The following NEBL variants were observed in gnomAD, a reference collection of about 807,000 sequenced individuals.
NEBL encodes nebulette.
Under a neutral mutation model 140.2 loss-of-function variants are expected in NEBL, and 122 were observed. The ratio of observed to expected loss-of-function variants is 0.87; its 90% CI spans 0.75 to 1.01. The LOEUF (loss-of-function observed/expected upper bound fraction) is 1.01. Ranked by LOEUF, NEBL falls within the 50% of genes least tolerant of loss-of-function variation. The pLI, the probability that NEBL is intolerant of heterozygous loss-of-function variation, is 0.00. For missense variants in NEBL, 1,365 were observed against 1,231.3 expected (o/e 1.11, Z -1.62); for synonymous variants, 436 against 398.9 (o/e 1.09, Z -1.11).
At chr10:20,987,652 A>T (rs913059958) in intron 3 of NEBL, among the ~76,000 whole-genome samples, 4 of 152,176 alleles carry the variant, frequency 2.6e-5, no homozygotes, top group African/African-American at 9.6e-5. Context: ...ACTAGGATCC[A>T]TCTGAGACTG....
At chr10:20,961,611 C>G in intron 4 of NEBL, 1 of 1,233,894 alleles carries the variant, frequency 8.1e-7, no homozygotes, top group South Asian at 1.2e-5. Context: ...CATCCAGCCT[C>G]CCTTTCTCAT....
chr10:20,964,961 C>T (rs558390364), intron 3 of NEBL, among the ~76,000 whole-genome samples: 2 of 152,332 alleles, frequency 1.3e-5, no homozygotes, highest in South Asian at 4.1e-4. Context: ...GTGTTGTACA[C>T]ACGTATGACA....
At chr10:21,087,006 C>T (rs1401178586) in intron 2 of NEBL, among the ~76,000 whole-genome samples, 3 of 152,284 alleles carry the variant, frequency 2.0e-5, no homozygotes, top group Admixed American at 1.3e-4. Context: ...ATTAGTTTTC[C>T]AAGGGATGTC....
At chr10:20,976,999 C>T (rs913624366) in intron 3 of NEBL, among the ~76,000 whole-genome samples, 4 of 151,556 alleles carry the variant, frequency 2.6e-5, no homozygotes, top group Non-Finnish European at 2.9e-5. Flanking sequence ...AAACACTAGG[C>T]TTTCTGTAAT....
intron 3 of NEBL, among the ~76,000 whole-genome samples, chr10:20,968,708 T>C (rs1268618280): frequency 6.6e-6 from 1 of 152,212 alleles, no homozygotes; most frequent in Non-Finnish European, 1.5e-5. Context: ...CTCAGGCACA[T>C]GTATTACTGA....
intron 1 of NEBL, among the ~76,000 whole-genome samples, chr10:21,273,471 A>G (rs1266791479): frequency 2.0e-5 from 3 of 152,198 alleles, no homozygotes; most frequent in Non-Finnish European, 2.9e-5. Flanking sequence ...GGGGCTAAGC[A>G]TCACAGGGCT....
At chr10:20,906,575 T>C (rs1295061800) in intron 4 of NEBL, among the ~76,000 whole-genome samples, 1 of 152,148 alleles carries the variant, frequency 6.6e-6, no homozygotes, top group African/African-American at 2.4e-5. Context: ...GAGTGAGAAC[T>C]AGTTTAACGT....
intron 2 of NEBL, among the ~76,000 whole-genome samples, chr10:21,110,303 A>G (rs1435725248): frequency 1.3e-5 from 2 of 152,100 alleles, no homozygotes; most frequent in Non-Finnish European, 2.9e-5. Flanking sequence ...GTTTGTTTTT[A>G]TAACGGTAAT....
chr10:21,288,820 G>GTGTGTGTA (rs1477748950), intron 1 of NEBL, among the ~76,000 whole-genome samples: 4 of 35,024 alleles, frequency 1.1e-4, no homozygotes, highest in African/African-American at 3.9e-4. Flanking sequence ...GTGTGTGTGT[G>GTGTGTGTA]TATATATATA....
At chr10:20,799,314 C>T (rs1485915380) in intron 26 of NEBL, among the ~76,000 whole-genome samples, 5 of 152,112 alleles carry the variant, frequency 3.3e-5, no homozygotes, top group Admixed American at 2.6e-4. Context: ...TGCCACCACA[C>T]TCAGCTCATT....
chr10:20,835,663 G>A (rs1263871518), intron 13 of NEBL, 40 bp from the exon 14 acceptor site: 2 of 1,350,076 alleles, frequency 1.5e-6, no homozygotes, highest in Non-Finnish European at 2.1e-6. Context: ...AACACTCAGT[G>A]GGCAAACATG....
At chr10:21,179,074 T>C (rs1841346417), upstream of NEBL, among the ~76,000 whole-genome samples, 1 of 152,196 alleles carries the variant, frequency 6.6e-6, no homozygotes, top group South Asian at 2.1e-4. Flanking sequence ...GAGGATCCAG[T>C]GTAATCACAA....
chr10:21,231,729 G>A (rs1283605354), intron 3 of NEBL, among the ~76,000 whole-genome samples: 4 of 152,200 alleles, frequency 2.6e-5, no homozygotes, highest in South Asian at 2.1e-4. Context: ...GAGGCAAAAC[G>A]AATTTGCCAA....
chr10:20,867,318 C>T (rs7070978), intron 7 of NEBL, among the ~76,000 whole-genome samples: 83,689 of 151,888 alleles, frequency 0.55, 24,528 homozygotes, highest in Non-Finnish European at 0.64. Context: ...TTCATTTGTT[C>T]GGGACTTATT....
intron 2 of NEBL, among the ~76,000 whole-genome samples, chr10:20,896,127 T>G (rs75416746): frequency 0.013 from 1,908 of 152,128 alleles, 40 homozygotes; most frequent in African/African-American, 0.044. Context: ...ACCAGTATTG[T>G]GCTCATCTCT....
chr10:21,138,396 A>T (rs1839455458), intron 2 of NEBL, among the ~76,000 whole-genome samples: 1 of 152,196 alleles, frequency 6.6e-6, no homozygotes. Context: ...AGAGGGAAGA[A>T]ATCTTTATAA....
At chr10:21,257,312 T>C (rs1842671134) in intron 1 of NEBL, among the ~76,000 whole-genome samples, 1 of 152,208 alleles carries the variant, frequency 6.6e-6, no homozygotes, top group African/African-American at 2.4e-5. Context: ...GCCTGTGTCC[T>C]TAGTAAACTA....
chr10:21,114,165 G>A (rs1838172706), intron 2 of NEBL, among the ~76,000 whole-genome samples: 1 of 151,904 alleles, frequency 6.6e-6, no homozygotes, highest in Non-Finnish European at 1.5e-5. Context: ...TTTCACTTGT[G>A]ATTTTTTCTT....
intron 2 of NEBL, among the ~76,000 whole-genome samples, chr10:21,024,010 A>G (rs1838916493): frequency 6.6e-6 from 1 of 151,924 alleles, no homozygotes; most frequent in Non-Finnish European, 1.5e-5. Flanking sequence ...ATAAAACACT[A>G]CTTTGATAAG....
Sources: allele counts gnomAD v4.1 joint callset (sites outside exome capture counted in the v4.1 genomes callset), GRCh38; gene constraint gnomAD v4.1.1; transcripts MANE v1.5; gene names NCBI Gene and HGNC (gene_info 2026-07-23, HGNC 2026-07-21).